ARHGEF10: variants seen among roughly 807,000 people sequenced by gnomAD.
ARHGEF10 encodes Rho guanine nucleotide exchange factor 10, also known as Rho guanine nucleotide exchange factor (GEF) 10.
In ARHGEF10, 140 loss-of-function variants were observed where a neutral mutation model predicts 147.4. The observed-to-expected ratio is 0.95, with a 90% CI of 0.83 to 1.09. The LOEUF is 1.09. Among genes scored for constraint, ARHGEF10 ranks in the 50% least tolerant of loss-of-function variants. The pLI, the probability that ARHGEF10 is intolerant of heterozygous loss-of-function variation, is 0.00. For missense variants in ARHGEF10, 2,222 were observed against 1,752.7 expected, an observed-to-expected ratio of 1.27 and a Z score of -4.78; for synonymous variants, 902 against 695.8, an observed-to-expected ratio of 1.30 and a Z score of -4.67.
In ARHGEF10 at chr8:1,929,394, G is replaced by A. The variant is rs977177175; in HGVS notation, c.3030G>A (p.Leu1010=). The change falls in exon 25 of 29, where the codon CTG becomes CTA. Residue 1010 remains leucine, a synonymous_variant. Coordinates refer to ENST00000349830, the MANE Select transcript of ARHGEF10 (RefSeq NM_014629.4). ...VMSLACTSQS[L]YAGLVNGAVA... ...GCCTGGCTTGCACGTCTCAGAGCCT[G>A]TACGCTGGCCTGGTCAACGGGGCAG... 1 of 1,613,270 alleles carries A rather than the reference G, an allele frequency of 6.2e-7. No individual in the cohort carries two copies. Among genetic ancestry groups the A allele is most frequent in the Non-Finnish European group, 8.5e-7 (1 of 1,180,008 alleles).
chr8:1,928,265 G>T (rs183908572), intron 23 of ARHGEF10, among the ~76,000 whole-genome samples, 162 bp from the exon 24 acceptor site: 159 of 152,272 alleles, frequency 1.0e-3, no homozygotes, highest in Non-Finnish European at 1.8e-3. Context: ...AGAAAAAGGG[G>T]CTCTGTGAGC....
chr8:1,924,445 C>G (rs534970852), intron 21 of ARHGEF10, among the ~76,000 whole-genome samples: 1 of 152,194 alleles, frequency 6.6e-6, no homozygotes, highest in African/African-American at 2.4e-5. Flanking sequence ...TGCTTACAGA[C>G]CTGTTACCCA....
chr8:1,848,454 G>C (rs1804723701), intron 2 of ARHGEF10, among the ~76,000 whole-genome samples: 1 of 152,124 alleles, frequency 6.6e-6, no homozygotes, highest in Admixed American at 6.6e-5. Flanking sequence ...GATTTGTCCG[G>C]GGGCTTCAGA....
At chr8:1,865,228 A>G (rs751706989) in intron 5 of ARHGEF10, among the ~76,000 whole-genome samples, 8 of 152,230 alleles carry the variant, frequency 5.3e-5, no homozygotes, top group Non-Finnish European at 1.0e-4. Flanking sequence ...GCTGCATCCT[A>G]ATTTCACAGG....
chr8:1,884,153 G>A (rs567675546), intron 10 of ARHGEF10, among the ~76,000 whole-genome samples: 36 of 152,298 alleles, frequency 2.4e-4, no homozygotes, highest in Admixed American at 2.2e-3. Flanking sequence ...CAGCATTTTT[G>A]GAGGCCGAGG....
chr8:1,866,377 G>T, intron 5 of ARHGEF10, 149 bp from the exon 6 acceptor site: 1 of 747,198 alleles, frequency 1.3e-6, no homozygotes. Flanking sequence ...TAATAGCTGG[G>T]AAAATATGTG....
chr8:1,876,549 A>C, intron 7 of ARHGEF10, 22 bp from the exon 8 acceptor site: 1 of 1,613,186 alleles, frequency 6.2e-7, no homozygotes, highest in Non-Finnish European at 8.5e-7. Context: ...TTTTAATTTC[A>C]TTTTGGAATT....
chr8:1,901,295 G>A (rs1810438543), intron 15 of ARHGEF10, among the ~76,000 whole-genome samples: 1 of 152,116 alleles, frequency 6.6e-6, no homozygotes, highest in African/African-American at 2.4e-5. Flanking sequence ...GACACCCTCT[G>A]TCCCCTTCCT....
intron 23 of ARHGEF10, chr8:1,927,160 G>A (rs567379144): frequency 6.4e-6 from 1 of 156,042 alleles, no homozygotes. Context: ...TATTTCATTT[G>A]TACCAACCTA....
At position 1,843,223 on chromosome 8, in the gene ARHGEF10, T is replaced by G. The variant is rs1034491767; in HGVS notation, c.-47-130T>G. On this transcript the variant is annotated intron_variant, in intron 1 of 28. Transcript: ENST00000349830. ...GTATTCATGACTAATAGGTGGTGAG[T>G]CTTCTAATTATGGCTAGTAATGACA... 3 of 686,424 alleles carry G rather than the reference T, an allele frequency of 4.4e-6. No homozygotes were observed. In the East Asian group the frequency reaches 8.2e-5, roughly 19 times the overall value. The allele number at this position is 686,424 out of a possible 1,614,324, so 42.5% of individuals were successfully genotyped here.
At chr8:1,873,869 T>TC (rs1052695631) in intron 7 of ARHGEF10, among the ~76,000 whole-genome samples, 9 of 152,226 alleles carry the variant, frequency 5.9e-5, no homozygotes, top group Non-Finnish European at 1.3e-4. Flanking sequence ...TTTTTCTTTT[T>TC]TTTTTATTGT....
At chr8:1,900,768 AG>A (rs1563257054) in intron 15 of ARHGEF10, among the ~76,000 whole-genome samples, 3 of 152,188 alleles carry the variant, frequency 2.0e-5, no homozygotes, top group African/African-American at 7.2e-5. Flanking sequence ...GCACTTAGAA[AG>A]ATTCAGTGTG....
At chr8:1,856,679 C>T (rs897574873) in intron 2 of ARHGEF10, among the ~76,000 whole-genome samples, 7 of 152,166 alleles carry the variant, frequency 4.6e-5, no homozygotes, top group African/African-American at 9.7e-5. Flanking sequence ...TGCCTGCAGC[C>T]GAGCTGGGCC....
intron 17 of ARHGEF10, among the ~76,000 whole-genome samples, chr8:1,908,940 G>C (rs1811132862): frequency 6.6e-6 from 1 of 152,180 alleles, no homozygotes; most frequent in Non-Finnish European, 1.5e-5. Context: ...AACCGCCAGA[G>C]AATATCTCTA....
intron 1 of ARHGEF10, among the ~76,000 whole-genome samples, chr8:1,832,393 G>C (rs1230408543): frequency 6.1e-5 from 3 of 48,940 alleles, no homozygotes; most frequent in Admixed American, 1.9e-4. Context: ...CAGAGGCAGA[G>C]ACAGAGAGAG....
intron 17 of ARHGEF10, among the ~76,000 whole-genome samples, chr8:1,907,897 AT>A (rs1563267592): frequency 6.6e-6 from 1 of 152,198 alleles, no homozygotes; most frequent in East Asian, 1.9e-4. Flanking sequence ...CCCTGTGAAC[AT>A]TAAGATTCTA....
At chr8:1,956,363 C>A (rs1055497582) in intron 28 of ARHGEF10, among the ~76,000 whole-genome samples, 3 of 152,064 alleles carry the variant, frequency 2.0e-5, no homozygotes, top group Non-Finnish European at 2.9e-5. Flanking sequence ...ACATTTCAGG[C>A]GTTAATATTT....
chr8:1,943,820 C>G (rs1051195090), intron 26 of ARHGEF10: 3 of 151,986 alleles, frequency 2.0e-5, no homozygotes, highest in Non-Finnish European at 4.4e-5. Context: ...TATTACACGG[C>G]TGACTCTAGA....
rs1355245778 is a variant in ARHGEF10 at position 1,860,075 on chromosome 8, G to T, written c.372G>T (p.Gly124=). ...EENVGLHVPC[G]YLVPVPCGYA... ...ATGTGGGTCTCCATGTGCCCTGCGG[G>T]TACTTGGTGCCTGTACCCTGCGGCT... The change falls in exon 4 of 29, where the codon GGG becomes GGT. Residue 124 remains glycine, a synonymous_variant. Transcript: ENST00000349830. 6.2e-7 allele frequency: 1 copy of T among 1,614,068 alleles called. No homozygotes were observed. Among genetic ancestry groups the T allele is most frequent in the East Asian group, 2.2e-5 (1 of 44,870 alleles).
Sources: allele counts gnomAD v4.1 joint callset (sites outside exome capture counted in the v4.1 genomes callset), GRCh38; gene constraint gnomAD v4.1.1; transcripts MANE v1.5; gene names NCBI Gene and HGNC (gene_info 2026-07-23, HGNC 2026-07-21).